PPP1R3A: variants seen among roughly 807,000 people sequenced by gnomAD.
The protein encoded by PPP1R3A is protein phosphatase 1 regulatory subunit 3A, also known as RG1.
Under a neutral mutation model 41.7 loss-of-function variants are expected in PPP1R3A, and 29 were observed. That is an observed-to-expected ratio of 0.70 (90% CI 0.52 to 0.95). The LOEUF (loss-of-function observed/expected upper bound fraction) is 0.95, where lower values mean the gene tolerates loss of function less well. PPP1R3A is among the 40% of genes least tolerant of loss of function. The pLI is 0.00. For missense variants in PPP1R3A, 1,352 were observed against 1,292.4 expected, an observed-to-expected ratio of 1.05 and a Z score of -0.71; for synonymous variants, 485 against 453.4, an observed-to-expected ratio of 1.07 and a Z score of -0.89.
intron 1 of PPP1R3A, among the ~76,000 whole-genome samples, chr7:113,906,437 T>G (rs548906344): frequency 6.6e-6 from 1 of 151,874 alleles, no homozygotes; most frequent in Admixed American, 6.6e-5. Flanking sequence ...GGTTTGATAT[T>G]AAAGTTTCTT....
intron 3 of PPP1R3A, among the ~76,000 whole-genome samples, chr7:113,880,824 C>T (rs754966475): frequency 6.6e-6 from 1 of 151,868 alleles, no homozygotes; most frequent in Non-Finnish European, 1.5e-5. Context: ...TTGTCAACTG[C>T]ACAGCTGTCT....
chr7:113,897,639 G>T (rs990553185), intron 1 of PPP1R3A, among the ~76,000 whole-genome samples: 1 of 151,492 alleles, frequency 6.6e-6, no homozygotes, highest in Non-Finnish European at 1.5e-5. Context: ...TCTTATATTC[G>T]CTGGAGCCAC....
chr7:113,879,683 T>C lies in PPP1R3A; in HGVS notation c.1409A>G (p.His470Arg), dbSNP rs748855912. The C allele has an allele frequency of 6.2e-7, 1 of 1,613,210 alleles. No individual in the cohort carries two copies. The highest frequency in any genetic ancestry group is 1.1e-5 in the South Asian group (1 of 91,064). Residue 470 changes from histidine to arginine, a missense_variant, in exon 4 of 4, where the codon CAT becomes CGT. Coordinates refer to ENST00000284601, the MANE Select transcript of PPP1R3A (RefSeq NM_002711.4). ...TTCAATATTTTTAGCTCCTCCTTCATGTTTTTTATTAAGGTTTCCTGCCAT... is the reference window on the plus strand; with the variant it reads ...TTCAATATTTTTAGCTCCTCCTTCACGTTTTTTATTAAGGTTTCCTGCCAT... ...QLMAGNLNKK[H>R]EGGAKNIEVK...
At chr7:113,908,947 T>C (rs1451550585) in intron 1 of PPP1R3A, among the ~76,000 whole-genome samples, 1 of 151,730 alleles carries the variant, frequency 6.6e-6, no homozygotes, top group Non-Finnish European at 1.5e-5. Context: ...AATTGGTATA[T>C]ATGGCCATAA....
Position 113,915,772 on chromosome 7 carries a change from T to C in PPP1R3A, c.782+2443A>G, listed in dbSNP as rs1485593058. Among the ~76,000 whole-genome samples, 4 of 151,840 alleles carry C rather than the reference T, an allele frequency of 2.6e-5. No homozygotes were observed. In the Admixed American group the frequency reaches 2.6e-4, roughly 10 times the overall value. On this transcript the variant is annotated intron_variant, in intron 1 of 3. Coordinates refer to ENST00000284601, the MANE Select transcript of PPP1R3A (RefSeq NM_002711.4). ...AGATTTTAGTAGCTATAATTTTTGA[T>C]CAAATAAGTATTAGTTCATTTTTAT...
At chr7:113,885,217 A>T (rs868797598) in intron 1 of PPP1R3A, among the ~76,000 whole-genome samples, 27 of 151,986 alleles carry the variant, frequency 1.8e-4, no homozygotes, top group African/African-American at 6.5e-4. Flanking sequence ...CATCCTGCTA[A>T]TTTGTACTTT....
intron 1 of PPP1R3A, among the ~76,000 whole-genome samples, chr7:113,907,835 T>G (rs7792710): frequency 0.62 from 93,551 of 151,520 alleles, 28,993 homozygotes; most frequent in South Asian, 0.73. Context: ...ATAGAGGGCG[T>G]TGTGGCAAAG....
chr7:113,886,529 T>C (rs2129115449), intron 1 of PPP1R3A, among the ~76,000 whole-genome samples: 1 of 152,298 alleles, frequency 6.6e-6, no homozygotes, highest in African/African-American at 2.4e-5. Context: ...GTCTTGGGTA[T>C]GTCTTTATCA....
At chr7:113,910,147 G>A (rs1006576674) in intron 1 of PPP1R3A, among the ~76,000 whole-genome samples, 5 of 151,940 alleles carry the variant, frequency 3.3e-5, no homozygotes, top group Non-Finnish European at 7.4e-5. Flanking sequence ...CAGTATGGGG[G>A]AACCCACCCC....
intron 1 of PPP1R3A, among the ~76,000 whole-genome samples, chr7:113,888,805 C>G (rs1487218347): frequency 6.6e-6 from 1 of 152,178 alleles, no homozygotes; most frequent in African/African-American, 2.4e-5. Flanking sequence ...GGGTCCATAA[C>G]ATTCTAAGGA....
rs1305930382 is a variant in PPP1R3A, at chr7:113,918,210, C to T, written c.782+5G>A. The stretch of plus-strand genomic sequence containing the variant: ...AATAATAAAATATGTAAGATATATC[C>T]TCACCTTGATTTTACCTTTAAGCAG... On this transcript the variant is annotated splice_donor_5th_base_variant and intron_variant, in intron 1 of 3. Transcript: ENST00000284601. 2.0e-5 allele frequency: 32 copies of T among 1,592,636 alleles called. No individual in the cohort carries two copies. The highest frequency in any genetic ancestry group is 2.7e-5 in the Non-Finnish European group (32 of 1,172,066).
At chr7:113,909,761 A>G (rs1797212052) in intron 1 of PPP1R3A, among the ~76,000 whole-genome samples, 1 of 152,130 alleles carries the variant, frequency 6.6e-6, no homozygotes, top group Non-Finnish European at 1.5e-5. Context: ...TTTAATGTAT[A>G]AGGATAGGGA....
In PPP1R3A at chr7:113,878,140, T is replaced by C; in HGVS notation, c.2952A>G (p.Thr984=). The change falls in exon 4 of 4, where the codon ACA becomes ACG. Residue 984 remains threonine, a synonymous_variant. Transcript: ENST00000284601. Reference sequence around the variant, plus strand: ...TGCATCTTTCTTTTCTACTACCTGATGTCACTATTCCTGAACTTCTGGAAA... The same window carrying C: ...TGCATCTTTCTTTTCTACTACCTGACGTCACTATTCCTGAACTTCTGGAAA... ...EEVSRSSGIV[T]SGSRKERCIG... is the part of the protein sequence containing the mutation. 1.2e-6 allele frequency: 2 copies of C among 1,613,414 alleles called. No homozygotes were observed. Among genetic ancestry groups the C allele is most frequent in the Non-Finnish European group, 1.7e-6 (2 of 1,179,638 alleles).
rs572135294 is a variant in PPP1R3A, at chr7:113,892,389, T to C, written c.783-10069A>G. Among the ~76,000 whole-genome samples the C allele has an allele frequency of 6.0e-4, 92 of 152,192 alleles. 4 individuals are homozygous for C. In the South Asian group the frequency reaches 0.018, roughly 29 times the overall value. ...TTGTGGACTGTTTCTTTTCATAATG[T>C]TATGTTGCAGCTTCTCTAAAAATTG... On this transcript the variant is annotated intron_variant, in intron 1 of 3. Coordinates refer to ENST00000284601, the MANE Select transcript of PPP1R3A (RefSeq NM_002711.4).
rs753016544 is a variant in PPP1R3A at position 113,879,843 on chromosome 7, G to T, written c.1249C>A (p.Pro417Thr). 11 of 1,613,480 alleles carry T rather than the reference G, an allele frequency of 6.8e-6. No individual in the cohort carries two copies. Among genetic ancestry groups the T allele is most frequent in the Non-Finnish European group, 6.8e-6 (8 of 1,179,648 alleles). Residue 417 changes from proline to threonine, a missense_variant, in exon 4 of 4, where the codon CCA becomes ACA. Physicochemically the swap from Pro to Thr is conservative, Grantham distance 38 (BLOSUM62 -1). Coordinates refer to ENST00000284601, the MANE Select transcript of PPP1R3A (RefSeq NM_002711.4). The part of the protein sequence containing the change: ...ETTSNMGEIK[P>T]SLGDTSSDEL... ...TCACTACTAGTATCTCCCAATGATG[G>T]CTTGATTTCTCCCATATTTGAAGTA...
chr7:113,898,828 C>T (rs1300428550), intron 1 of PPP1R3A, among the ~76,000 whole-genome samples: 1 of 151,790 alleles, frequency 6.6e-6, no homozygotes, highest in Non-Finnish European at 1.5e-5. Flanking sequence ...AAGGCCCTGG[C>T]CACCATTTCT....
At chr7:113,910,183 C>T (rs527811148) in intron 1 of PPP1R3A, among the ~76,000 whole-genome samples, 82 of 151,896 alleles carry the variant, frequency 5.4e-4, no homozygotes, top group Non-Finnish European at 8.4e-4. Flanking sequence ...TCCACCTGGC[C>T]CCACCCTTAA....
Position 113,877,045 on chromosome 7 carries a change from T to C in PPP1R3A, c.*678A>G, listed in dbSNP as rs1046195881. ...CACAGAATTTTTCAGAATTGAAAGATAATCTCCCAATTGTTTCAGTCTTGT... is the reference window on the plus strand; with the variant it reads ...CACAGAATTTTTCAGAATTGAAAGACAATCTCCCAATTGTTTCAGTCTTGT... On this transcript the variant is annotated 3_prime_UTR_variant, in exon 4 of 4. Transcript: ENST00000284601. 4 of 151,960 alleles carry C rather than the reference T, an allele frequency of 2.6e-5. No individual in the cohort carries two copies. The highest frequency in any genetic ancestry group is 7.2e-5 in the African/African-American group (3 of 41,422). 9.4% of individuals were successfully genotyped at this position (151,960 alleles called of 1,614,324 possible). A position where few individuals can be genotyped will look rare whatever the true frequency, so the allele number is the denominator to read the frequency against.
Position 113,907,073 on chromosome 7 carries a change from T to C in PPP1R3A, c.782+11142A>G, listed in dbSNP as rs141758171. Among the ~76,000 whole-genome samples, 435 of 151,880 alleles carry C rather than the reference T, an allele frequency of 2.9e-3. 2 individuals carry two copies. Among genetic ancestry groups the C allele is most frequent in the African/African-American group, 1.0e-2 (415 of 41,516 alleles). ...CTTGAATAGAAACAGTGAACACAAG[T>C]GGAAGAGCTAGTGTCTGCATAATGG... On this transcript the variant is annotated intron_variant, in intron 1 of 3. Coordinates refer to ENST00000284601, the MANE Select transcript of PPP1R3A (RefSeq NM_002711.4).
Sources: allele counts gnomAD v4.1 joint callset (sites outside exome capture counted in the v4.1 genomes callset), GRCh38; gene constraint gnomAD v4.1.1; transcripts MANE v1.5; gene names NCBI Gene and HGNC (gene_info 2026-07-23, HGNC 2026-07-21).